Variants in RASGRF1 observed in about 807,000 individuals in gnomAD.
The protein encoded by RASGRF1 is Ras protein specific guanine nucleotide releasing factor 1, also known as ras-specific guanine nucleotide-releasing factor 1.
Under a neutral mutation model 138.7 loss-of-function variants are expected in RASGRF1, and 40 were observed. The observed-to-expected ratio is 0.29, with a 90% CI of 0.22 to 0.38. The LOEUF (loss-of-function observed/expected upper bound fraction) is 0.38. Ranked by LOEUF, RASGRF1 falls within the 10% of genes least tolerant of loss-of-function variation. RASGRF1 has a pLI of 1.00. For missense variants in RASGRF1, 1,108 were observed against 1,650.4 expected (o/e 0.67, Z 5.69); for synonymous variants, 614 against 663.2 (o/e 0.93, Z 1.14).
chr15:78,977,348 C>T (rs1016710196), intron 24 of RASGRF1, among the ~76,000 whole-genome samples: 1 of 152,100 alleles, frequency 6.6e-6, no homozygotes, highest in African/African-American at 2.4e-5. Context: ...TGAGGCTGGG[C>T]TGTGTGGGCT....
chr15:78,983,147 C>T (rs1439208115), intron 23 of RASGRF1, among the ~76,000 whole-genome samples: 2 of 152,242 alleles, frequency 1.3e-5, no homozygotes, highest in African/African-American at 4.8e-5. Flanking sequence ...GAATGAACTG[C>T]CTCTGGCAGA....
chr15:79,083,722 C>T (rs576490441), intron 1 of RASGRF1, among the ~76,000 whole-genome samples: 71 of 152,288 alleles, frequency 4.7e-4, no homozygotes, highest in African/African-American at 1.6e-3. Context: ...GGGTTCATGG[C>T]CCAGCTTCTG....
chr15:79,025,606 C>G, intron 9 of RASGRF1, 132 bp from the exon 10 acceptor site: 1 of 1,107,524 alleles, frequency 9.0e-7, no homozygotes. Context: ...AGCAAATGTG[C>G]CCCTGGGATA....
Position 78,999,821 on chromosome 15 carries a change from A to T in RASGRF1, c.2668T>A (p.Phe890Ile). ...NRSALSAASA[F>I]AIATAGANEG... ...TTGGCCCCGGCGGTTGCTATGGCAAAGGCAGAGGCGGCCGACAAGGCACTG... is the reference window on the plus strand; with the variant it reads ...TTGGCCCCGGCGGTTGCTATGGCAATGGCAGAGGCGGCCGACAAGGCACTG... The change falls in exon 17 of 27, where the codon TTT (phenylalanine) becomes ATT (isoleucine). Residue 890 changes from phenylalanine to isoleucine, a missense_variant. Phe to Ile is a conservative substitution (Grantham distance 21). This residue lies in a region of RASGRF1 where 686 missense variants were observed against 976.7 expected (regional missense o/e 0.70). Transcript: ENST00000558480. The T allele has an allele frequency of 6.2e-7, 1 of 1,614,200 alleles. No homozygotes were observed. The highest frequency in any genetic ancestry group is 8.5e-7 in the Non-Finnish European group (1 of 1,180,014).
In RASGRF1 at chr15:79,049,705, A is replaced by G. The variant is rs1000528864; in HGVS notation, c.532-117T>C. On this transcript the variant is annotated intron_variant, in intron 3 of 26. Coordinates refer to ENST00000558480, the MANE Select transcript of RASGRF1 (RefSeq NM_001145648.3). ...CCGAGTGCCCTGCCTCTTCTTCCCC[A>G]AGAGCCATGATGCCACAGCTTGTGA... 4.0e-6 allele frequency: 3 copies of G among 750,662 alleles called. No homozygotes were observed. The African/African-American group carries it at 5.3e-5, about 13-fold the overall frequency. 46.5% of individuals were successfully genotyped at this position (750,662 alleles called of 1,614,324 possible).
intron 22 of RASGRF1, among the ~76,000 whole-genome samples, chr15:78,988,692 CTCTT>C (rs1381237139): frequency 1.3e-5 from 2 of 152,190 alleles, no homozygotes; most frequent in Non-Finnish European, 2.9e-5. Flanking sequence ...CCCTCAAAGG[CTCTT>C]TCCTCGTGTT....
At chr15:79,089,811 C>T (rs527978293) in intron 1 of RASGRF1, among the ~76,000 whole-genome samples, 25 of 152,344 alleles carry the variant, frequency 1.6e-4, no homozygotes, top group Admixed American at 1.4e-3. Flanking sequence ...TACACGTTCC[C>T]GGTGTAGAAC....
chr15:79,007,545 G>GTTTTTTTT (rs5813951), intron 13 of RASGRF1, among the ~76,000 whole-genome samples: 3 of 108,982 alleles, frequency 2.8e-5, no homozygotes, highest in Admixed American at 1.0e-4. Context: ...GCCGTATCTA[G>GTTTTTTTT]TTTTTTTTTT....
rs2057410936 is a variant in RASGRF1 at position 79,050,150 on chromosome 15, C to G, written c.532-562G>C. On this transcript the variant is annotated intron_variant, in intron 3 of 26. Transcript: ENST00000558480. The surrounding 1 kb of genome is among the most constrained non-coding windows in gnomAD (Gnocchi z 4.1). ...ACTCTGTACTCATCAAACAATAACT[C>G]TCCATTCCCCTTCCTCCCAGTCCCT... 6.6e-6 allele frequency among the ~76,000 whole-genome samples: 1 copy of G among 152,224 alleles called. No homozygotes were observed. Among genetic ancestry groups the G allele is most frequent in the Non-Finnish European group, 1.5e-5 (1 of 68,042 alleles).
chr15:79,031,964 C>G (rs1019903832), intron 7 of RASGRF1, among the ~76,000 whole-genome samples, 159 bp downstream of exon 7: 2 of 152,100 alleles, frequency 1.3e-5, no homozygotes, highest in Non-Finnish European at 2.9e-5. Context: ...TCAGCTTGCC[C>G]TGCACCCAGC....
intron 22 of RASGRF1, 62 bp from the exon 23 acceptor site, chr15:78,985,266 G>A (rs4778751): frequency 1 from 1,441,412 of 1,441,890 alleles, 720,468 homozygotes; most frequent in East Asian, 1. Flanking sequence ...ATGATAAATG[G>A]TCACTATTTG....
At chr15:78,999,317 T>C (rs969378179) in intron 17 of RASGRF1, among the ~76,000 whole-genome samples, 11 of 152,074 alleles carry the variant, frequency 7.2e-5, no homozygotes, top group African/African-American at 2.7e-4. Flanking sequence ...AGCAAAGGCC[T>C]GCAGGATGGA....
At chr15:78,970,828 T>C (rs72730677) in intron 26 of RASGRF1, among the ~76,000 whole-genome samples, 72 of 120,500 alleles carry the variant, frequency 6.0e-4, no homozygotes, top group East Asian at 5.3e-3. Flanking sequence ...GCTGAGACTT[T>C]TTTTTTTTTT....
Position 78,971,849 on chromosome 15 carries a change from G to C in RASGRF1, c.3681+17C>G. 4 of 1,558,456 alleles carry C rather than the reference G, an allele frequency of 2.6e-6. No homozygotes were observed. The highest frequency in any genetic ancestry group is 3.5e-6 in the Non-Finnish European group (4 of 1,129,428). On this transcript the variant is annotated intron_variant, in intron 26 of 26. Transcript: ENST00000558480. ...ACTGTGAAAGCATGCAAGTGACCAG[G>C]AAAAGGCACAGCTTACCTTTGCTTG...
In RASGRF1 at chr15:79,005,314, G is replaced by A. The variant is rs940938838; in HGVS notation, c.2075+872C>T. The A allele has an allele frequency of 6.1e-6, 6 of 985,454 alleles. No homozygotes were observed. In the African/African-American group the frequency reaches 1.1e-4, roughly 17 times the overall value. 61.0% of individuals were successfully genotyped at this position (985,454 alleles called of 1,614,324 possible). A position where few individuals can be genotyped will look rare whatever the true frequency, so the allele number is the denominator to read the frequency against. ...TGAGGTTCCTGGGGAGCCCTGGGGA[G>A]CCAGTGTGATTCAGGAGCTCTGCTC... is the stretch of plus-strand genomic sequence containing the variant. On this transcript the variant is annotated intron_variant, in intron 14 of 26. Transcript: ENST00000558480.
rs2055548667 is a variant in RASGRF1, at chr15:78,961,813, G to A, written c.*331C>T. The stretch of plus-strand genomic sequence containing the variant: ...TCAACCCAGGAGCCTGGGCTGGGGA[G>A]GGACGGAAGCAGGACTGGAGTCTAA... On this transcript the variant is annotated 3_prime_UTR_variant, in exon 27 of 27. Transcript: ENST00000558480. 1 of 189,268 alleles carries A rather than the reference G, an allele frequency of 5.3e-6. No individual in the cohort carries two copies. The highest frequency in any genetic ancestry group is 2.4e-5 in the African/African-American group (1 of 42,386). The allele number at this position is 189,268 out of a possible 1,614,324, so 11.7% of individuals were successfully genotyped here.
intron 8 of RASGRF1, among the ~76,000 whole-genome samples, chr15:79,028,622 G>T (rs2057094708): frequency 6.6e-6 from 1 of 152,158 alleles, no homozygotes; most frequent in Non-Finnish European, 1.5e-5. Context: ...TTGCCTTGGT[G>T]GGTTTCCAGG....
At chr15:78,992,907 A>G (rs1386732046) in intron 20 of RASGRF1, among the ~76,000 whole-genome samples, 1 of 151,990 alleles carries the variant, frequency 6.6e-6, no homozygotes, top group African/African-American at 2.4e-5. Flanking sequence ...CTGAGATAGA[A>G]AGGCAGGAAA....
At chr15:79,062,819 C>A (rs576725049) in intron 2 of RASGRF1, among the ~76,000 whole-genome samples, 13 of 152,274 alleles carry the variant, frequency 8.5e-5, no homozygotes, top group African/African-American at 2.6e-4. Flanking sequence ...GTTGGGATTA[C>A]AGGCGTGAAC....
Sources: allele counts gnomAD v4.1 joint callset (sites outside exome capture counted in the v4.1 genomes callset), GRCh38; gene constraint gnomAD v4.1.1; regional missense constraint gnomAD v4.1.1; non-coding constraint Gnocchi (gnomAD v3.1); transcripts MANE v1.5; gene names NCBI Gene and HGNC (gene_info 2026-07-23, HGNC 2026-07-21).